The following TAFA2 variants were observed in gnomAD, a reference collection of about 807,000 sequenced individuals.
TAFA2 encodes the protein TAFA chemokine like family member 2.
TAFA2 carries 7 observed loss-of-function variants against 18.8 expected under a neutral mutation model. The ratio of observed to expected loss-of-function variants is 0.37; its 90% CI spans 0.21 to 0.70. The LOEUF (loss-of-function observed/expected upper bound fraction) is 0.70, where lower values mean the gene tolerates loss of function less well. Among genes scored for constraint, TAFA2 ranks in the 30% least tolerant of loss-of-function variants. The pLI is 0.53. For synonymous variants in TAFA2, 60 were observed against 54.2 expected (o/e 1.11, Z -0.47); for missense variants, 122 against 158.1 (o/e 0.77, Z 1.23).
At chr12:62,256,885 G>A (rs765329150) in intron 1 of TAFA2, among the ~76,000 whole-genome samples, 3 of 152,032 alleles carry the variant, frequency 2.0e-5, no homozygotes, top group Non-Finnish European at 4.4e-5. Context: ...TAGCTGCTCT[G>A]AGAGCTGGTA....
intron 1 of TAFA2, among the ~76,000 whole-genome samples, chr12:62,153,730 G>C (rs976938966): frequency 2.0e-5 from 3 of 151,634 alleles, no homozygotes; most frequent in Non-Finnish European, 4.4e-5. Flanking sequence ...TAGTGGAAAA[G>C]AGTATAGGAT....
intron 2 of TAFA2, among the ~76,000 whole-genome samples, chr12:61,798,264 T>C (rs1386885446): frequency 2.6e-5 from 4 of 152,100 alleles, no homozygotes; most frequent in African/African-American, 9.7e-5. Context: ...CTCTTAACTA[T>C]TTGGTCTTTT....
chr12:62,034,431 T>G (rs2136750421), intron 1 of TAFA2, among the ~76,000 whole-genome samples: 1 of 152,346 alleles, frequency 6.6e-6, no homozygotes, highest in East Asian at 1.9e-4. Flanking sequence ...TTAAATTTTC[T>G]TATTACTCTC....
intron 1 of TAFA2, among the ~76,000 whole-genome samples, chr12:62,164,420 G>A (rs2062425920): frequency 6.6e-6 from 1 of 152,096 alleles, no homozygotes; most frequent in African/African-American, 2.4e-5. Flanking sequence ...ATTTCATTTA[G>A]ATTCTTAATC....
chr12:62,060,530 G>T (rs184272094), intron 1 of TAFA2, among the ~76,000 whole-genome samples: 49 of 152,246 alleles, frequency 3.2e-4, no homozygotes, highest in African/African-American at 1.2e-3. Flanking sequence ...CAATGTTATT[G>T]GTTTATGTAT....
intron 1 of TAFA2, among the ~76,000 whole-genome samples, chr12:61,916,466 T>C (rs1210594315): frequency 2.0e-5 from 3 of 152,176 alleles, no homozygotes; most frequent in Non-Finnish European, 4.4e-5. Flanking sequence ...TAAATGGTCA[T>C]CATTGTTCTA....
chr12:61,936,184 T>A (rs1477098834), intron 1 of TAFA2, among the ~76,000 whole-genome samples: 1 of 152,166 alleles, frequency 6.6e-6, no homozygotes, highest in Admixed American at 6.5e-5. Context: ...CATATGCAAG[T>A]CAATAAATGC....
At chr12:61,741,407 A>C (rs1028672198) in intron 4 of TAFA2, among the ~76,000 whole-genome samples, 1 of 152,098 alleles carries the variant, frequency 6.6e-6, no homozygotes, top group African/African-American at 2.4e-5. Context: ...AAAGCATTTT[A>C]TTGAATTTTG....
chr12:62,024,696 T>C (rs1488757305), intron 1 of TAFA2, among the ~76,000 whole-genome samples: 1 of 151,968 alleles, frequency 6.6e-6, no homozygotes, highest in Non-Finnish European at 1.5e-5. Context: ...AGAAAATATG[T>C]GCAAACTATA....
At chr12:61,930,001 G>A (rs1363476526) in intron 1 of TAFA2, among the ~76,000 whole-genome samples, 1 of 141,720 alleles carries the variant, frequency 7.1e-6, no homozygotes, top group East Asian at 2.1e-4. Flanking sequence ...TCTGGGGACT[G>A]TTGTGGGGTG....
chr12:61,880,510 G>T (rs1265725808), intron 1 of TAFA2: 1 of 523,452 alleles, frequency 1.9e-6, no homozygotes, highest in Non-Finnish European at 3.9e-6. Flanking sequence ...AGCTGCTGGA[G>T]GGTGAAGAGA....
chr12:61,967,856 A>G (rs930092146), intron 1 of TAFA2, among the ~76,000 whole-genome samples: 1 of 151,854 alleles, frequency 6.6e-6, no homozygotes. Flanking sequence ...ATGCTCCAAT[A>G]AAGAAGATTA....
At chr12:62,106,925 A>G (rs1243260870) in intron 1 of TAFA2, among the ~76,000 whole-genome samples, 1 of 152,116 alleles carries the variant, frequency 6.6e-6, no homozygotes, top group Non-Finnish European at 1.5e-5. Flanking sequence ...CTTCGAAGAA[A>G]TGACACCCTT....
At chr12:62,233,228 G>A (rs2062820927) in intron 1 of TAFA2, among the ~76,000 whole-genome samples, 1 of 151,048 alleles carries the variant, frequency 6.6e-6, no homozygotes, top group Admixed American at 6.6e-5. Flanking sequence ...CTATAGGTGT[G>A]TGCCAACATG....
At chr12:61,785,792 C>A (rs151026440) in intron 2 of TAFA2, among the ~76,000 whole-genome samples, 1 of 151,668 alleles carries the variant, frequency 6.6e-6, no homozygotes, top group African/African-American at 2.4e-5. Context: ...ACAAAATCAG[C>A]TAATGACACA....
intron 1 of TAFA2, among the ~76,000 whole-genome samples, chr12:62,221,491 A>G (rs1482310818): frequency 6.6e-6 from 1 of 152,154 alleles, no homozygotes. Context: ...TCTAAGTGCT[A>G]TTAGTTCAGG....
At chr12:62,205,026 A>G (rs914232859) in intron 1 of TAFA2, among the ~76,000 whole-genome samples, 2 of 152,086 alleles carry the variant, frequency 1.3e-5, no homozygotes, top group African/African-American at 4.8e-5. Flanking sequence ...CATTTTGTTG[A>G]TGCTGTGGTT....
At chr12:62,207,837 T>C (rs902973627) in intron 1 of TAFA2, among the ~76,000 whole-genome samples, 2 of 152,182 alleles carry the variant, frequency 1.3e-5, no homozygotes, top group Admixed American at 6.6e-5. Flanking sequence ...TGCCAGAGTA[T>C]CTAGGTATGA....
chr12:61,879,251 A>G, intron 1 of TAFA2: 2 of 390,958 alleles, frequency 5.1e-6, no homozygotes, highest in Non-Finnish European at 9.2e-6. Context: ...AAGAAGCAGC[A>G]GCTTCTCCAC....
Sources: gnomAD v4.1 joint callset for allele counts (sites outside exome capture counted in the v4.1 genomes callset) on GRCh38, gnomAD v4.1.1 for gene constraint, MANE v1.5 for transcripts, NCBI Gene and HGNC (gene_info 2026-07-23, HGNC 2026-07-21) for gene names.